The following SYTL2 variants were observed in gnomAD, a reference collection of about 807,000 sequenced individuals.
SYTL2 encodes the protein synaptotagmin-like protein 2.
Under a neutral mutation model 198.7 loss-of-function variants are expected in SYTL2, and 165 were observed. The ratio of observed to expected loss-of-function variants is 0.83; its 90% CI spans 0.73 to 0.94. SYTL2 has a LOEUF of 0.94. Among genes scored for constraint, SYTL2 ranks in the 40% least tolerant of loss-of-function variants. The probability of loss-of-function intolerance (pLI) is 0.00; values close to 1 mark genes in which losing one functional copy is unlikely to be tolerated. For missense variants in SYTL2, 2,835 were observed against 2,582.8 expected, an observed-to-expected ratio of 1.10 and a Z score of -2.12; for synonymous variants, 966 against 917.7, an observed-to-expected ratio of 1.05 and a Z score of -0.95.
intron 1 of SYTL2, among the ~76,000 whole-genome samples, chr11:85,789,324 ATG>A (rs1173699592): frequency 0.31 from 24,237 of 76,954 alleles, 3,986 homozygotes; most frequent in South Asian, 0.43. Context: ...GTGTGTGTGT[ATG>A]TGTGTGTGTG....
chr11:85,750,661 A>G (rs1264994434), intron 2 of SYTL2, among the ~76,000 whole-genome samples: 4 of 152,176 alleles, frequency 2.6e-5, no homozygotes, highest in Admixed American at 2.6e-4. Flanking sequence ...CTGATACCCA[A>G]TAACTGTCTG....
At chr11:85,807,557 T>A (rs2092974556) in intron 1 of SYTL2, among the ~76,000 whole-genome samples, 1 of 150,734 alleles carries the variant, frequency 6.6e-6, no homozygotes. Flanking sequence ...CCATCTGTCT[T>A]GCCCAAGGTC....
At position 85,765,004 on chromosome 11, in the gene SYTL2, G is replaced by C. The variant is rs148440888; in HGVS notation, c.-389-6890C>G. Among the ~76,000 whole-genome samples the C allele has an allele frequency of 3.8e-4, 58 of 152,296 alleles. No individual in the cohort carries two copies. In the East Asian group the frequency reaches 8.7e-3, roughly 23 times the overall value. ...GGTAACAATGCTACATGAATATTTT[G>C]TTTCTGTGTGGTCAGAGTCTTCAGT... On this transcript the variant is annotated intron_variant, in intron 1 of 19. Transcript: ENST00000359152.
Position 85,724,120 on chromosome 11 carries a change from C to T in SYTL2, c.5238G>A (p.Glu1746=), listed in dbSNP as rs2088764089. 2 of 1,591,526 alleles carry T rather than the reference C, an allele frequency of 1.3e-6. No homozygotes were observed. The highest frequency in any genetic ancestry group is 1.7e-6 in the Non-Finnish European group (2 of 1,174,368). ...LTLASPYMKQ[E]KEEEKEGFSE... is the part of the protein sequence containing the mutation. ...AGAAACCTTCTTTTTCTTCCTCTTT[C>T]TCTTGTTTCATATATGGCGATGCTA... The change falls in exon 8 of 20, where the codon GAG becomes GAA. Residue 1746 remains glutamate (E), a synonymous_variant. Coordinates refer to ENST00000359152, the MANE Select transcript of SYTL2 (RefSeq NM_206927.4).
At chr11:85,735,200 C>A (rs1020353739) in intron 6 of SYTL2, among the ~76,000 whole-genome samples, 1 of 152,152 alleles carries the variant, frequency 6.6e-6, no homozygotes, top group Admixed American at 6.5e-5. Context: ...GAACCTAAAA[C>A]TGCTCTAAAA....
At position 85,724,088 on chromosome 11, in the gene SYTL2, G is replaced by A; in HGVS notation, c.5270C>T (p.Ser1757Phe). 1.3e-6 allele frequency: 2 copies of A among 1,568,788 alleles called. No individual in the cohort carries two copies. Among genetic ancestry groups the A allele is most frequent in the Non-Finnish European group, 1.7e-6 (2 of 1,165,456 alleles). Reference sequence around the variant, plus strand: ...ACTGGTGTTTCCATCTGAAAAATCAGACTCAGAGAAACCTTCTTTTTCTTC... The same window carrying A: ...ACTGGTGTTTCCATCTGAAAAATCAAACTCAGAGAAACCTTCTTTTTCTTC... The part of the protein sequence containing the change: ...KEEEKEGFSE[S>F]DFSDGNTSSN... The change falls in exon 8 of 20, where the codon TCT (serine) becomes TTT (phenylalanine). Residue 1757 changes from serine to phenylalanine, a missense_variant. Ser to Phe is a radical substitution (Grantham distance 155). Around this residue, in one of 3 missense-constraint regions of SYTL2, gnomAD observed 2,645 missense variants for 2,381.7 expected, o/e 1.11. Coordinates refer to ENST00000359152, the MANE Select transcript of SYTL2 (RefSeq NM_206927.4).
intron 7 of SYTL2, among the ~76,000 whole-genome samples, chr11:85,732,859 C>A (rs936181776): frequency 2.6e-5 from 4 of 152,086 alleles, no homozygotes; most frequent in African/African-American, 9.7e-5. Flanking sequence ...GCAGAGGGTA[C>A]ACAGCATGTT....
chr11:85,794,873 A>AT (rs200865268), intron 1 of SYTL2, among the ~76,000 whole-genome samples: 2,585 of 152,216 alleles, frequency 0.017, 89 homozygotes, highest in African/African-American at 0.059. Flanking sequence ...TCCCTTCATC[A>AT]TTTTTTTCTA....
intron 1 of SYTL2, among the ~76,000 whole-genome samples, chr11:85,799,184 T>C (rs2092848052): frequency 1.3e-5 from 2 of 152,248 alleles, no homozygotes; most frequent in Non-Finnish European, 2.9e-5. Context: ...TATATTCATT[T>C]AACACACTTG....
the SYTL2 span, among the ~76,000 whole-genome samples, chr11:85,841,313 T>C: frequency 1.1e-4 from 16 of 152,288 alleles, no homozygotes; most frequent in Admixed American, 2.0e-4. Flanking sequence ...AGCAAACCCA[T>C]TACTGGGTAT....
In SYTL2 at chr11:85,721,175, C is replaced by A. The variant is rs920937363; in HGVS notation, c.5327-216G>T. 6.6e-5 allele frequency among the ~76,000 whole-genome samples: 10 copies of A among 152,222 alleles called. 1 individual carries two copies. Among genetic ancestry groups the A allele is most frequent in the African/African-American group, 2.2e-4 (9 of 41,534 alleles). On this transcript the variant is annotated intron_variant, in intron 8 of 19. Coordinates refer to ENST00000359152, the MANE Select transcript of SYTL2 (RefSeq NM_206927.4). ...GTCAAGAAATATTTGCAAACGTAAACCCTACAAAAACAAGATTACCACATT... is the reference window on the plus strand; with the variant it reads ...GTCAAGAAATATTTGCAAACGTAAAACCTACAAAAACAAGATTACCACATT...
the SYTL2 span, among the ~76,000 whole-genome samples, chr11:85,849,510 G>A: frequency 6.6e-6 from 1 of 152,204 alleles, no homozygotes; most frequent in South Asian, 2.1e-4. Flanking sequence ...TCTACATACG[G>A]CTAGCCAGTT....
chr11:85,799,048 A>G (rs1171204410), intron 1 of SYTL2, among the ~76,000 whole-genome samples: 1 of 152,232 alleles, frequency 6.6e-6, no homozygotes, highest in African/African-American at 2.4e-5. Context: ...TCTTTTCTGC[A>G]CACATGAGAA....
chr11:85,724,553 G>A lies in SYTL2; in HGVS notation c.4805C>T (p.Thr1602Ile), dbSNP rs768366947. 3 of 1,613,884 alleles carry A rather than the reference G, an allele frequency of 1.9e-6. No individual in the cohort carries two copies. The highest frequency in any genetic ancestry group is 8.5e-7 in the Non-Finnish European group (1 of 1,180,020). The change falls in exon 8 of 20, where the codon ACC becomes ATC. Residue 1602 changes from threonine (T) to isoleucine (I), a missense_variant. Around this residue, in one of 3 missense-constraint regions of SYTL2, gnomAD observed 2,645 missense variants for 2,381.7 expected, o/e 1.11. Coordinates refer to ENST00000359152, the MANE Select transcript of SYTL2 (RefSeq NM_206927.4). ...ATGGGGCACTGTCCCCAAGAACCTG[G>A]TCTGCTCTGACTGTGAGGACTCCTT... ...HEKESSQSEQTRFLGTVPHFY... is the reference protein window; with the variant it reads ...HEKESSQSEQIRFLGTVPHFY...
intron 1 of SYTL2, among the ~76,000 whole-genome samples, chr11:85,758,856 GAC>G (rs2091995905): frequency 6.6e-6 from 1 of 152,226 alleles, no homozygotes; most frequent in South Asian, 2.1e-4. Context: ...AGTGAAGAAT[GAC>G]ACAGCCCTAC....
At position 85,725,093 on chromosome 11, in the gene SYTL2, G is replaced by A. The variant is rs746146350; in HGVS notation, c.4265C>T (p.Thr1422Met). The change falls in exon 8 of 20, where the codon ACG becomes ATG. Residue 1422 changes from threonine to methionine, a missense_variant. Coordinates refer to ENST00000359152, the MANE Select transcript of SYTL2 (RefSeq NM_206927.4). Reference protein sequence around the residue: ...NPPGVISPWATMDTIVPDRKD... With the variant: ...NPPGVISPWAMMDTIVPDRKD... ...CCTGTCTGGAACTATGGTGTCCATC[G>A]TAGCCCATGGTGATATCACTCCTGG... 25 of 1,614,006 alleles carry A rather than the reference G, an allele frequency of 1.5e-5. 1 individual carries two copies. Among genetic ancestry groups the A allele is most frequent in the Admixed American group, 1.0e-4 (6 of 60,006 alleles).
chr11:85,789,927 A>G (rs1368061709), intron 1 of SYTL2, among the ~76,000 whole-genome samples: 2 of 152,248 alleles, frequency 1.3e-5, no homozygotes, highest in South Asian at 2.1e-4. Flanking sequence ...TAAATTGCCA[A>G]TACCGGTTGA....
chr11:85,706,466 A>G (rs948675490), intron 15 of SYTL2, among the ~76,000 whole-genome samples: 1 of 152,244 alleles, frequency 6.6e-6, no homozygotes, highest in Non-Finnish European at 1.5e-5. Context: ...AGCAGACAGC[A>G]GGAGAACTTA....
At chr11:85,789,398 AT>A (rs1353456676) in intron 1 of SYTL2, among the ~76,000 whole-genome samples, 7 of 92,808 alleles carry the variant, frequency 7.5e-5, no homozygotes, top group African/African-American at 3.0e-4. Flanking sequence ...ATATATATAT[AT>A]AATTTTTTTT....
Sources: allele counts gnomAD v4.1 joint callset (sites outside exome capture counted in the v4.1 genomes callset), GRCh38; gene constraint gnomAD v4.1.1; regional missense constraint gnomAD v4.1.1; transcripts MANE v1.5; gene names NCBI Gene and HGNC (gene_info 2026-07-23, HGNC 2026-07-21).